The following DLG2 variants were observed in gnomAD, a reference collection of about 807,000 sequenced individuals.
DLG2 encodes the protein disks large homolog 2.
Under a neutral mutation model 132.5 loss-of-function variants are expected in DLG2, and 45 were observed. That is an observed-to-expected ratio of 0.34 (90% CI 0.27 to 0.44). The LOEUF is 0.44. Ranked by LOEUF, DLG2 falls within the 20% of genes least tolerant of loss-of-function variation. The pLI is 1.00. For missense variants in DLG2, 1,045 were observed against 1,196.9 expected, an observed-to-expected ratio of 0.87 and a Z score of 1.87; for synonymous variants, 424 against 419.6, an observed-to-expected ratio of 1.01 and a Z score of -0.13.
chr11:84,940,413 A>G (rs1315167677), intron 6 of DLG2, among the ~76,000 whole-genome samples: 1 of 152,214 alleles, frequency 6.6e-6, no homozygotes, highest in East Asian at 1.9e-4. Context: ...TAGGCCTCCC[A>G]AAGTGCTGGG....
At chr11:84,875,476 A>G (rs1367454350) in intron 6 of DLG2, among the ~76,000 whole-genome samples, 2 of 151,908 alleles carry the variant, frequency 1.3e-5, no homozygotes, top group African/African-American at 4.8e-5. Flanking sequence ...TTTGAATCCA[A>G]TATGAATTCT....
intron 7 of DLG2, among the ~76,000 whole-genome samples, chr11:84,288,641 GAA>G: frequency 6.6e-6 from 1 of 152,136 alleles, no homozygotes; most frequent in Middle Eastern, 3.4e-3. Flanking sequence ...ACCCCCAAAT[GAA>G]ATTGCATAGA....
chr11:84,963,116 T>A (rs1240661114), intron 6 of DLG2, among the ~76,000 whole-genome samples: 1 of 152,164 alleles, frequency 6.6e-6, no homozygotes, highest in East Asian at 1.9e-4. Flanking sequence ...AATGTCTAAT[T>A]ACCTTTCACA....
intron 3 of DLG2, among the ~76,000 whole-genome samples, chr11:85,535,236 G>C (rs2075500018): frequency 6.6e-6 from 1 of 152,082 alleles, no homozygotes; most frequent in South Asian, 2.1e-4. Context: ...GGAGTATTTA[G>C]CTGACTTTGA....
chr11:85,322,377 G>A (rs931969087), intron 3 of DLG2, among the ~76,000 whole-genome samples: 2 of 152,046 alleles, frequency 1.3e-5, no homozygotes, highest in African/African-American at 2.4e-5. Context: ...TGGAAATTTT[G>A]GATGAAAATC....
intron 6 of DLG2, among the ~76,000 whole-genome samples, chr11:84,855,743 G>T (rs1195584842): frequency 1.3e-5 from 2 of 152,062 alleles, no homozygotes; most frequent in Non-Finnish European, 2.9e-5. Flanking sequence ...TTACTGCTGA[G>T]TGACTGTTCT....
chr11:83,480,981 CAGTG>C (rs1312000484), intron 22 of DLG2, among the ~76,000 whole-genome samples: 1 of 152,114 alleles, frequency 6.6e-6, no homozygotes, highest in Non-Finnish European at 1.5e-5. Context: ...TTTTCTGCTT[CAGTG>C]AGTGAGTTGA....
In DLG2 at chr11:83,457,262, C is replaced by G. The variant is rs1197895519; in HGVS notation, c.*2556G>C. On this transcript the variant is annotated 3_prime_UTR_variant, in exon 28 of 28. Coordinates refer to ENST00000376104, the MANE Select transcript of DLG2 (RefSeq NM_001142699.3). ...ACTTTCATGCCATTTCCATACAAGT[C>G]ATCAGATTTGCTGCAAAATACACCA... is the stretch of plus-strand genomic sequence containing the variant. 6.6e-6 allele frequency: 1 copy of G among 152,570 alleles called. No homozygotes were observed. Among genetic ancestry groups the G allele is most frequent in the African/African-American group, 2.4e-5 (1 of 41,430 alleles). 9.5% of individuals were successfully genotyped at this position (152,570 alleles called of 1,614,324 possible). A position where few individuals can be genotyped will look rare whatever the true frequency, so the allele number is the denominator to read the frequency against.
At chr11:85,038,233 G>T (rs549481944) in intron 6 of DLG2, among the ~76,000 whole-genome samples, 3 of 152,076 alleles carry the variant, frequency 2.0e-5, no homozygotes, top group Non-Finnish European at 4.4e-5. Flanking sequence ...CACTCAGAAA[G>T]CTACAGATAT....
intron 7 of DLG2, among the ~76,000 whole-genome samples, chr11:84,346,009 G>A (rs751455233): frequency 2.6e-5 from 4 of 152,102 alleles, no homozygotes; most frequent in Non-Finnish European, 5.9e-5. Context: ...ACTTCTGAAG[G>A]TGTTTTCTCT....
intron 4 of DLG2, among the ~76,000 whole-genome samples, chr11:85,267,746 T>A (rs1382099503): frequency 1.3e-5 from 2 of 152,222 alleles, no homozygotes; most frequent in African/African-American, 4.8e-5. Flanking sequence ...AAAATATACA[T>A]AATTCTTTTT....
intron 3 of DLG2, among the ~76,000 whole-genome samples, chr11:85,463,379 G>A (rs1481306920): frequency 6.6e-6 from 1 of 152,172 alleles, no homozygotes; most frequent in Non-Finnish European, 1.5e-5. Context: ...AAATGTCTAT[G>A]AAAACAGAAA....
intron 18 of DLG2, among the ~76,000 whole-genome samples, chr11:83,729,801 A>C (rs889466406): frequency 6.6e-6 from 1 of 152,236 alleles, no homozygotes; most frequent in African/African-American, 2.4e-5. Context: ...AATGTTTTAT[A>C]GTGAATCTGA....
chr11:83,640,374 C>T (rs1047323824), intron 18 of DLG2, among the ~76,000 whole-genome samples: 4 of 152,004 alleles, frequency 2.6e-5, no homozygotes, highest in Non-Finnish European at 5.9e-5. Flanking sequence ...TATTGTTTAC[C>T]TGGATGTGAC....
At chr11:84,475,183 CAT>C (rs1191850794) in intron 7 of DLG2, among the ~76,000 whole-genome samples, 1 of 152,124 alleles carries the variant, frequency 6.6e-6, no homozygotes, top group Non-Finnish European at 1.5e-5. Context: ...CAAGATAAGA[CAT>C]GTGACGTCTG....
Position 84,834,777 on chromosome 11 carries a change from A to C in DLG2, c.357+276884T>G, listed in dbSNP as rs181956570. 8.3e-3 allele frequency among the ~76,000 whole-genome samples: 1,145 copies of C among 137,240 alleles called. 9 individuals carry two copies. The highest frequency in any genetic ancestry group is 0.033 in the South Asian group (126 of 3,876). 90.0% of individuals were successfully genotyped at this position (137,240 alleles called of 152,430 possible). A position where few individuals can be genotyped will look rare whatever the true frequency, so the allele number is the denominator to read the frequency against. ...GAGTACTAGGAAAACACAAATGCCA[A>C]GAATTTTAGTCTTTTCTCAGAAAAA... is the stretch of plus-strand genomic sequence containing the variant. On this transcript the variant is annotated intron_variant, in intron 6 of 27. Coordinates refer to ENST00000376104, the MANE Select transcript of DLG2 (RefSeq NM_001142699.3).
intron 3 of DLG2, among the ~76,000 whole-genome samples, chr11:85,582,551 C>G (rs556022996): frequency 6.6e-6 from 1 of 150,396 alleles, no homozygotes; most frequent in Non-Finnish European, 1.5e-5. Flanking sequence ...AGGCTGGGCA[C>G]GGTGGCTTAT....
At chr11:84,397,904 CA>C (rs1037713403) in intron 7 of DLG2, among the ~76,000 whole-genome samples, 1 of 152,162 alleles carries the variant, frequency 6.6e-6, no homozygotes, top group African/African-American at 2.4e-5. Context: ...AGGCTTTTGT[CA>C]GTCTGTGGAA....
chr11:85,029,006 A>G (rs2060785628), intron 6 of DLG2, among the ~76,000 whole-genome samples: 1 of 152,196 alleles, frequency 6.6e-6, no homozygotes, highest in African/African-American at 2.4e-5. Context: ...ATCAATATTT[A>G]TCCTTTTAAC....
Sources: allele counts gnomAD v4.1 joint callset (sites outside exome capture counted in the v4.1 genomes callset), GRCh38; gene constraint gnomAD v4.1.1; transcripts MANE v1.5; gene names NCBI Gene and HGNC (gene_info 2026-07-23, HGNC 2026-07-21).